The following ALG8 variants were observed in gnomAD, a reference collection of about 807,000 sequenced individuals.
The protein encoded by ALG8 is ALG8 alpha-1,3-glucosyltransferase.
In ALG8, 48 loss-of-function variants were observed where a neutral mutation model predicts 70.2. That is an observed-to-expected ratio of 0.68 (90% CI 0.54 to 0.87). ALG8 has a LOEUF of 0.87. Among genes scored for constraint, ALG8 ranks in the 40% least tolerant of loss-of-function variants. The pLI is 0.00. For missense variants in ALG8, 572 were observed against 608.7 expected (o/e 0.94, Z 0.64); for synonymous variants, 234 against 229.0 (o/e 1.02, Z -0.20).
At chr11:78,112,444 G>C (rs544119661) in intron 8 of ALG8, 122 of 583,510 alleles carry the variant, frequency 2.1e-4, no homozygotes, top group Middle Eastern at 1.5e-3. Flanking sequence ...ATTACCACAA[G>C]GAGCTTTTAT....
At chr11:78,123,329 A>G (rs28593365) in intron 3 of ALG8, among the ~76,000 whole-genome samples, 1 of 94,078 alleles carries the variant, frequency 1.1e-5, no homozygotes, top group South Asian at 3.3e-4. Context: ...AAAAAAAAAA[A>G]AAAAAAAGAA....
intron 5 of ALG8, 74 bp from the exon 6 acceptor site, chr11:78,114,466 T>G: frequency 6.4e-7 from 1 of 1,554,042 alleles, no homozygotes. Context: ...TATTCTAGAT[T>G]GAATCCTGGA....
intron 10 of ALG8, among the ~76,000 whole-genome samples, chr11:78,105,800 C>T (rs376336886): frequency 2.2e-4 from 34 of 152,072 alleles, no homozygotes; most frequent in African/African-American, 8.2e-4. Context: ...CCTTCACCTC[C>T]CAGGTTCAAA....
chr11:78,139,549 A>G lies in ALG8; in HGVS notation c.40T>C (p.Phe14Leu). The change falls in exon 1 of 13, where the codon TTT (phenylalanine) becomes CTT (leucine). Residue 14 changes from phenylalanine (F) to leucine (L), a missense_variant. Transcript: ENST00000299626. ...LTIATGTGNW[F>L]SALALGVTLL... is the part of the protein sequence containing the mutation. ...GTCACCCCGAGCGCCAAAGCCGAAA[A>G]CCAATTGCCAGTACCCGTGGCAATT... The G allele has an allele frequency of 6.4e-7, 1 of 1,562,674 alleles. No homozygotes were observed. Among genetic ancestry groups the G allele is most frequent in the South Asian group, 1.2e-5 (1 of 84,810 alleles).
chr11:78,139,354 G>A (rs899652392), intron 1 of ALG8, 140 bp downstream of exon 1: 2 of 868,212 alleles, frequency 2.3e-6, no homozygotes, highest in Non-Finnish European at 3.7e-6. Context: ...TGGCGAAACA[G>A]AAAGCTTAGC....
At chr11:78,115,090 T>C (rs969365969) in intron 5 of ALG8, among the ~76,000 whole-genome samples, 3 of 152,248 alleles carry the variant, frequency 2.0e-5, no homozygotes, top group Non-Finnish European at 4.4e-5. Context: ...TGAAGTGCAG[T>C]GGCACAATCC....
chr11:78,110,698 G>A (rs1860247590), intron 8 of ALG8, among the ~76,000 whole-genome samples: 1 of 152,154 alleles, frequency 6.6e-6, no homozygotes. Flanking sequence ...TGGCTAATAG[G>A]ACAGTCAGAG....
At chr11:78,135,586 G>A (rs1861508462) in intron 1 of ALG8, among the ~76,000 whole-genome samples, 1 of 152,172 alleles carries the variant, frequency 6.6e-6, no homozygotes, top group Middle Eastern at 3.4e-3. Context: ...TGGTGCTCAC[G>A]CCTGTAATCC....
At chr11:78,105,909 A>G (rs557115804) in intron 10 of ALG8, among the ~76,000 whole-genome samples, 22 of 151,710 alleles carry the variant, frequency 1.5e-4, no homozygotes, top group Non-Finnish European at 2.6e-4. Context: ...GGATTTTGCC[A>G]TGTTGGCCAG....
At position 78,139,511 on chromosome 11, in the gene ALG8, G is replaced by A; in HGVS notation, c.78C>T (p.Cys26=). 6.4e-7 allele frequency: 1 copy of A among 1,560,922 alleles called. No individual in the cohort carries two copies. The highest frequency in any genetic ancestry group is 8.7e-7 in the Non-Finnish European group (1 of 1,151,920). ...TCCCTTACTATGTGGGGATGAGAAGGCATTTGAGAAGAGTCACCCCGAGCG... is the reference window on the plus strand; with the variant it reads ...TCCCTTACTATGTGGGGATGAGAAGACATTTGAGAAGAGTCACCCCGAGCG... ...ALALGVTLLK[C]LLIPTYHSTD... The change falls in exon 1 of 13, where the codon TGC becomes TGT. Residue 26 remains cysteine, a synonymous_variant. Coordinates refer to ENST00000299626, the MANE Select transcript of ALG8 (RefSeq NM_024079.5).
chr11:78,138,462 AC>A (rs145133607), intron 1 of ALG8, among the ~76,000 whole-genome samples: 3,035 of 152,314 alleles, frequency 0.02, 102 homozygotes, highest in African/African-American at 0.07. Context: ...TAATCATTTT[AC>A]TGAATCTACA....
chr11:78,105,795 A>G (rs1860002222), intron 10 of ALG8, among the ~76,000 whole-genome samples: 1 of 150,072 alleles, frequency 6.7e-6, no homozygotes, highest in African/African-American at 2.5e-5. Context: ...TGCAACCTTC[A>G]CCTCCCAGGT....
At position 78,101,198 on chromosome 11, in the gene ALG8, G is replaced by A. The variant is rs568134909; in HGVS notation, c.1350-3C>T. 1.9e-6 allele frequency: 3 copies of A among 1,611,324 alleles called. No homozygotes were observed. On this transcript the variant is annotated splice_polypyrimidine_tract_variant and splice_region_variant and intron_variant, in intron 12 of 12. Transcript: ENST00000299626. ...AATTAAAAAGAGGTTTTTCTTTTCT[G>A]AAGGAAAAAAGAGAGAAAAGTCTGA...
intron 2 of ALG8, among the ~76,000 whole-genome samples, chr11:78,125,885 C>T (rs895399565): frequency 2.0e-5 from 3 of 152,206 alleles, no homozygotes; most frequent in African/African-American, 4.8e-5. Context: ...CTGGGCCGGG[C>T]GCAGTGGCTC....
chr11:78,127,756 C>T (rs901443382), intron 1 of ALG8, among the ~76,000 whole-genome samples: 1 of 150,290 alleles, frequency 6.7e-6, no homozygotes, highest in African/African-American at 2.5e-5. Flanking sequence ...GTCACCCAGG[C>T]TGGAGTGTAG....
intron 5 of ALG8, among the ~76,000 whole-genome samples, chr11:78,115,349 A>C (rs577568490): frequency 6.6e-6 from 1 of 151,372 alleles, no homozygotes; most frequent in South Asian, 2.1e-4. Flanking sequence ...TAAATATTCT[A>C]TAACCAGTAT....
At chr11:78,134,550 C>T (rs546441392) in intron 1 of ALG8, among the ~76,000 whole-genome samples, 202 of 152,308 alleles carry the variant, frequency 1.3e-3, no homozygotes, top group African/African-American at 4.6e-3. Context: ...GGATTTTACC[C>T]ACAGTAAAAC....
intron 1 of ALG8, among the ~76,000 whole-genome samples, chr11:78,131,887 C>T (rs900278029): frequency 2.0e-5 from 3 of 152,228 alleles, no homozygotes; most frequent in Admixed American, 2.0e-4. Context: ...CACATTGCAG[C>T]CAAAGTAGTA....
intron 1 of ALG8, among the ~76,000 whole-genome samples, chr11:78,133,952 C>G (rs1045837375): frequency 6.6e-6 from 1 of 151,936 alleles, no homozygotes; most frequent in African/African-American, 2.4e-5. Flanking sequence ...TGCAATACTA[C>G]TATGTCTAAA....
Sources: allele counts gnomAD v4.1 joint callset (sites outside exome capture counted in the v4.1 genomes callset), GRCh38; gene constraint gnomAD v4.1.1; transcripts MANE v1.5; gene names NCBI Gene and HGNC (gene_info 2026-07-23, HGNC 2026-07-21).